Variants in ZNF536 observed in about 807,000 individuals in gnomAD.
The protein encoded by ZNF536 is zinc finger protein 536.
ZNF536 carries 13 observed loss-of-function variants against 84.5 expected under a neutral mutation model. The ratio of observed to expected loss-of-function variants is 0.15; its 90% CI spans 0.10 to 0.24. The LOEUF is 0.24. ZNF536 is among the 10% of genes least tolerant of loss of function. The probability of loss-of-function intolerance (pLI) is 1.00; values close to 1 mark genes in which losing one functional copy is unlikely to be tolerated. For missense variants in ZNF536, 1,536 were observed against 1,747.5 expected (o/e 0.88, Z 2.16); for synonymous variants, 811 against 742.5 (o/e 1.09, Z -1.50).
intron 1 of ZNF536, among the ~76,000 whole-genome samples, chr19:30,383,810 TTCTC>T (rs1236039573): frequency 3.8e-4 from 55 of 145,224 alleles, no homozygotes; most frequent in African/African-American, 1.4e-3. Flanking sequence ...TTCTCTTTCT[TTCTC>T]TCTTTCTTTC....
chr19:30,482,219 G>A (rs140978974), intron 2 of ZNF536, among the ~76,000 whole-genome samples: 77 of 152,238 alleles, frequency 5.1e-4, no homozygotes, highest in Non-Finnish European at 9.3e-4. Context: ...CTGCTAGGTC[G>A]AATGGTAGAT....
intron 4 of ZNF536, among the ~76,000 whole-genome samples, chr19:30,552,238 G>T (rs889678692): frequency 6.6e-6 from 1 of 152,126 alleles, no homozygotes; most frequent in Non-Finnish European, 1.5e-5. Flanking sequence ...CGCCTACCAG[G>T]CTGATCACTA....
At chr19:30,552,895 G>A (rs768996661) in intron 4 of ZNF536, among the ~76,000 whole-genome samples, 7 of 152,170 alleles carry the variant, frequency 4.6e-5, no homozygotes, top group Non-Finnish European at 1.0e-4. Flanking sequence ...TAATCCCAAG[G>A]AAGAGGTTAA....
chr19:30,480,531 C>T (rs1427544616), intron 2 of ZNF536, among the ~76,000 whole-genome samples: 3 of 151,956 alleles, frequency 2.0e-5, no homozygotes, highest in Non-Finnish European at 2.9e-5. Context: ...GGGAACATCA[C>T]ACACCGGGGC....
chr19:30,335,725 C>T (rs1295748785), intron 2 of ZNF536, among the ~76,000 whole-genome samples: 3 of 152,194 alleles, frequency 2.0e-5, no homozygotes, highest in South Asian at 4.1e-4. Context: ...CCCTTGTGCA[C>T]GGATAGAATC....
intron 1 of ZNF536, among the ~76,000 whole-genome samples, chr19:30,615,391 T>C (rs1342539875): frequency 6.6e-6 from 1 of 152,198 alleles, no homozygotes; most frequent in African/African-American, 2.4e-5. Context: ...TAATTCTTCT[T>C]TATCCCACTC....
At chr19:30,349,314 T>A (rs998456405) in intron 2 of ZNF536, among the ~76,000 whole-genome samples, 10 of 152,244 alleles carry the variant, frequency 6.6e-5, no homozygotes, top group African/African-American at 2.4e-4. Flanking sequence ...GGGCACCTGT[T>A]GGTTCCAGAT....
chr19:30,661,630 G>T (rs2050126433), intron 1 of ZNF536, among the ~76,000 whole-genome samples: 1 of 152,076 alleles, frequency 6.6e-6, no homozygotes, highest in African/African-American at 2.4e-5. Context: ...TTCGCATAAG[G>T]ATATTAATCA....
intron 1 of ZNF536, among the ~76,000 whole-genome samples, chr19:30,245,381 G>A (rs529305937): frequency 1.1e-4 from 17 of 152,334 alleles, no homozygotes; most frequent in African/African-American, 4.1e-4. Context: ...CCCAAAGCCA[G>A]GGCCCCTAAC....
chr19:30,240,888 A>G (rs920776413), intron 1 of ZNF536, among the ~76,000 whole-genome samples: 3 of 152,312 alleles, frequency 2.0e-5, no homozygotes, highest in Admixed American at 6.5e-5. Flanking sequence ...TGGGAAGGAC[A>G]TTGCTGTGGG....
intron 1 of ZNF536, among the ~76,000 whole-genome samples, chr19:30,383,757 CTCTTTCTTTCTTTCTTTTCTTTCT>C (rs1568376928): frequency 1.4e-4 from 12 of 86,940 alleles, no homozygotes; most frequent in African/African-American, 3.4e-4. Flanking sequence ...TTCTTTCTTT[CTCTTTCTTTCTTTCTTTTCTTTCT>C]TTCTTTCTTT....
At chr19:30,251,555 A>C (rs948172705) in intron 1 of ZNF536, among the ~76,000 whole-genome samples, 2 of 152,216 alleles carry the variant, frequency 1.3e-5, no homozygotes, top group Non-Finnish European at 2.9e-5. Context: ...ATTTAAAAAC[A>C]TCATATAGTA....
At chr19:30,540,308 T>A (rs1384187604) in intron 3 of ZNF536, among the ~76,000 whole-genome samples, 1 of 152,130 alleles carries the variant, frequency 6.6e-6, no homozygotes, top group East Asian at 1.9e-4. Context: ...GCGTTCTCCC[T>A]TGCAGCCCCC....
At chr19:30,567,890 C>G (rs1443470101) in intron 1 of ZNF536, among the ~76,000 whole-genome samples, 1 of 152,086 alleles carries the variant, frequency 6.6e-6, no homozygotes, top group Non-Finnish European at 1.5e-5. Context: ...TTCCAGAGGT[C>G]GATGGCTGGG....
At chr19:30,354,158 G>C (rs2048022379) in intron 3 of ZNF536, among the ~76,000 whole-genome samples, 1 of 152,168 alleles carries the variant, frequency 6.6e-6, no homozygotes, top group Non-Finnish European at 1.5e-5. Flanking sequence ...ATATCCTTTG[G>C]ATGGGCTTCT....
At chr19:30,473,271 T>C (rs2053714581) in intron 2 of ZNF536, among the ~76,000 whole-genome samples, 1 of 151,916 alleles carries the variant, frequency 6.6e-6, no homozygotes, top group African/African-American at 2.4e-5. Flanking sequence ...CATCTTGAGA[T>C]TAGGGGGAGC....
At chr19:30,334,737 T>A (rs1038435229) in intron 2 of ZNF536, among the ~76,000 whole-genome samples, 6 of 152,156 alleles carry the variant, frequency 3.9e-5, no homozygotes, top group Admixed American at 1.3e-4. Context: ...TTTACAGCAG[T>A]TTCCAACCAT....
intron 2 of ZNF536, among the ~76,000 whole-genome samples, chr19:30,450,340 T>A (rs2052545750): frequency 6.6e-6 from 1 of 152,004 alleles, no homozygotes; most frequent in South Asian, 2.1e-4. Context: ...AGAGGGGAGC[T>A]GGCTGCAGAG....
At chr19:30,694,604 T>A (rs2051574255) in intron 1 of ZNF536, among the ~76,000 whole-genome samples, 1 of 152,242 alleles carries the variant, frequency 6.6e-6, no homozygotes. Context: ...CTCCTGACTT[T>A]GCAAGAGAAA....
Sources: gnomAD v4.1 joint callset for allele counts (sites outside exome capture counted in the v4.1 genomes callset) on GRCh38, gnomAD v4.1.1 for gene constraint, MANE v1.5 for transcripts, NCBI Gene and HGNC (gene_info 2026-07-23, HGNC 2026-07-21) for gene names.